Variants in SEMA6B observed in about 807,000 individuals in gnomAD.
SEMA6B encodes the protein semaphorin-6B.
Under a neutral mutation model 78.6 loss-of-function variants are expected in SEMA6B, and 47 were observed. That is an observed-to-expected ratio of 0.60 (90% CI 0.47 to 0.76). The LOEUF (loss-of-function observed/expected upper bound fraction) is 0.76. SEMA6B is among the 30% of genes least tolerant of loss of function. SEMA6B has a pLI of 0.00. For synonymous variants in SEMA6B, 632 were observed against 592.2 expected (o/e 1.07, Z -0.98); for missense variants, 1,213 against 1,269.9 (o/e 0.96, Z 0.68).
At chr19:4,554,609 G>C in intron 8 of SEMA6B, 133 bp from the exon 9 acceptor site, 2 of 699,780 alleles carry the variant, frequency 2.9e-6, no homozygotes, top group Non-Finnish European at 4.8e-6. Flanking sequence ...CAGACTCAAA[G>C]TTTGGTATTT....
intron 10 of SEMA6B, among the ~76,000 whole-genome samples, chr19:4,551,293 C>T (rs1977326042): frequency 6.7e-6 from 1 of 150,128 alleles, no homozygotes; most frequent in South Asian, 2.1e-4. Flanking sequence ...GATCTCAGGT[C>T]ACTGTAACCT....
Position 4,542,668 on chromosome 19 carries a change from A to T in SEMA6B, c.*933T>A. ...TCCAGAGAGGGCAGAGGACCCAGCC[A>T]GCCACGTGGCATGCATGGTCAGCTG... On this transcript the variant is annotated 3_prime_UTR_variant, in exon 17 of 17. Coordinates refer to ENST00000586582, the MANE Select transcript of SEMA6B (RefSeq NM_032108.4). 1 of 615,596 alleles carries T rather than the reference A, an allele frequency of 1.6e-6. No individual in the cohort carries two copies. The highest frequency in any genetic ancestry group is 1.7e-5 in the South Asian group (1 of 58,436). The allele number at this position is 615,596 out of a possible 1,614,324, so 38.1% of individuals were successfully genotyped here. A position where few individuals can be genotyped will look rare whatever the true frequency, so the allele number is the denominator to read the frequency against.
Position 4,552,990 on chromosome 19 carries a change from G to A in SEMA6B, c.772-351C>T, listed in dbSNP as rs181646546. Among the ~76,000 whole-genome samples, 1 of 152,214 alleles carries A rather than the reference G, an allele frequency of 6.6e-6. No homozygotes were observed. The highest frequency in any genetic ancestry group is 2.4e-5 in the African/African-American group (1 of 41,466). ...GAGGCACAGATAAAAGGAAGTGACT[G>A]GTCCAAGGTCACAATAGTAGTTAGT... On this transcript the variant is annotated intron_variant, in intron 9 of 16. Transcript: ENST00000586582. This position sits in a 1 kb window ranked among gnomAD's most constrained non-coding sequence, Gnocchi z 7.4.
In SEMA6B at chr19:4,557,023, G is replaced by T. The variant is rs554196449; in HGVS notation, c.307-10C>A. 3 of 1,611,812 alleles carry T rather than the reference G, an allele frequency of 1.9e-6. No individual in the cohort carries two copies. The Admixed American group carries it at 5.0e-5, about 27-fold the overall frequency. Reference sequence around the variant, plus strand: ...ATCTCCAGGTCAGCTTCTGCAGACAGAGAGAGCTGGTGAGGGGGTAACGGG... The same window carrying T: ...ATCTCCAGGTCAGCTTCTGCAGACATAGAGAGCTGGTGAGGGGGTAACGGG... On this transcript the variant is annotated splice_polypyrimidine_tract_variant and intron_variant, in intron 4 of 16. Transcript: ENST00000586582.
Position 4,550,172 on chromosome 19 carries a change from C to T in SEMA6B, c.1222G>A (p.Ala408Thr). The T allele has an allele frequency of 1.2e-6, 2 of 1,613,838 alleles. No individual in the cohort carries two copies. Among genetic ancestry groups the T allele is most frequent in the South Asian group, 2.2e-5 (2 of 91,090 alleles). The change falls in exon 12 of 17, where the codon GCG becomes ACG. Residue 408 changes from alanine to threonine, a missense_variant. Physicochemically the swap from Ala to Thr is moderately conservative, Grantham distance 58 (BLOSUM62 0). Coordinates refer to ENST00000586582, the MANE Select transcript of SEMA6B (RefSeq NM_032108.4). The surrounding 1 kb of genome is among the most constrained non-coding windows in gnomAD (Gnocchi z 6.6). ...GGCGCATGGCCCAGCGAGGGCACCG[C>T]CTCGTCCATCAGAGGGTGGGTCTTG... ...FVKTHPLMDE[A>T]VPSLGHAPWI...
intron 14 of SEMA6B, among the ~76,000 whole-genome samples, 185 bp downstream of exon 14, chr19:4,547,842 G>A (rs1020469140): frequency 1.0e-4 from 15 of 148,394 alleles, no homozygotes; most frequent in Middle Eastern, 3.2e-3. Flanking sequence ...CAGCCACACC[G>A]GCCACCTTGC....
chr19:4,556,093 A>T lies in SEMA6B; in HGVS notation c.370-4T>A. On this transcript the variant is annotated splice_polypyrimidine_tract_variant and splice_region_variant and intron_variant, in intron 5 of 16. Transcript: ENST00000586582. The stretch of plus-strand genomic sequence containing the variant: ...TTACGAAGTTTCGACACTCGCCCTG[A>T]GGTGGGGACAGGAGGAAGCGGGGAG... 6.2e-7 allele frequency: 1 copy of T among 1,607,972 alleles called. No homozygotes were observed. The highest frequency in any genetic ancestry group is 8.5e-7 in the Non-Finnish European group (1 of 1,174,682).
In SEMA6B at chr19:4,550,879, C is replaced by T; in HGVS notation, c.1041G>A (p.Val347=). The change falls in exon 11 of 17, where the codon GTG becomes GTA. Residue 347 remains valine (V), a synonymous_variant. Coordinates refer to ENST00000586582, the MANE Select transcript of SEMA6B (RefSeq NM_032108.4). The surrounding 1 kb of genome is among the most constrained non-coding windows in gnomAD (Gnocchi z 6.6). ...CAFDLTQVAA[V]FEGRFREQKS... Reference sequence around the variant, plus strand: ...TCTGCTCTCGGAAGCGGCCTTCAAACACAGCTGCCACCTGTGTCAGGTCAA... The same window carrying T: ...TCTGCTCTCGGAAGCGGCCTTCAAATACAGCTGCCACCTGTGTCAGGTCAA... 1 of 1,613,652 alleles carries T rather than the reference C, an allele frequency of 6.2e-7. No homozygotes were observed. Among genetic ancestry groups the T allele is most frequent in the Non-Finnish European group, 8.5e-7 (1 of 1,180,000 alleles).
At chr19:4,549,371 G>A (rs1196012464) in intron 12 of SEMA6B, among the ~76,000 whole-genome samples, 1 of 134,432 alleles carries the variant, frequency 7.4e-6, no homozygotes, top group Non-Finnish European at 1.5e-5. Flanking sequence ...GCGTGATCTC[G>A]GCTCACTGCA....
At chr19:4,557,283 C>T (rs1243294129) in intron 3 of SEMA6B, 60 bp from the exon 4 acceptor site, 1 of 1,274,988 alleles carries the variant, frequency 7.8e-7, no homozygotes, top group African/African-American at 1.5e-5. Context: ...CCGTTCCATC[C>T]TTCCCACTGC....
intron 9 of SEMA6B, among the ~76,000 whole-genome samples, chr19:4,553,448 G>GTGGATGGATGGA (rs763844125): frequency 0.013 from 1,557 of 116,124 alleles, 28 homozygotes; most frequent in African/African-American, 0.015. Flanking sequence ...GGATGGGTGA[G>GTGGATGGATGGA]TGGATGGATG....
Position 4,558,424 on chromosome 19 carries a change from C to T in SEMA6B, c.34G>A (p.Ala12Thr). Residue 12 changes from alanine to threonine, a missense_variant, in exon 2 of 17, where the codon GCC becomes ACC. Transcript: ENST00000586582. The surrounding 1 kb of genome is among the most constrained non-coding windows in gnomAD (Gnocchi z 5.1). ...AGTAGCAGCAGCAGAAGCAGCAGGG[C>T]CGGGCGGGGAGGGGACGCTCGCGGG... ...QTPRASPPRP[A>T]LLLLLLLLGG... The T allele has an allele frequency of 2.4e-6, 3 of 1,257,830 alleles. No individual in the cohort carries two copies. Among genetic ancestry groups the T allele is most frequent in the South Asian group, 3.5e-5 (1 of 28,594 alleles). The allele number at this position is 1,257,830 out of a possible 1,614,324, so 77.9% of individuals were successfully genotyped here.
In SEMA6B at chr19:4,552,779, C is replaced by T. The variant is rs1416971524; in HGVS notation, c.772-140G>A. The stretch of plus-strand genomic sequence containing the variant: ...GTGGGACCCCGGCCAGTCACCGTTC[C>T]TCTCTGGGCACCGGCTTCCCTGGCA... On this transcript the variant is annotated intron_variant, in intron 9 of 16. Transcript: ENST00000586582. This position sits in a 1 kb window ranked among gnomAD's most constrained non-coding sequence, Gnocchi z 7.4. 5 of 728,486 alleles carry T rather than the reference C, an allele frequency of 6.9e-6. No individual in the cohort carries two copies. The highest frequency in any genetic ancestry group is 1.1e-5 in the Non-Finnish European group (5 of 458,410). The allele number at this position is 728,486 out of a possible 1,614,324, so 45.1% of individuals were successfully genotyped here.
chr19:4,554,952 G>T, intron 8 of SEMA6B, 24 bp downstream of exon 8: 1 of 1,610,844 alleles, frequency 6.2e-7, no homozygotes, highest in Non-Finnish European at 8.5e-7. Flanking sequence ...CCAGGTCTGG[G>T]CCCACTGCCC....
At position 4,550,025 on chromosome 19, in the gene SEMA6B, A is replaced by G. The variant is rs1287778013; in HGVS notation, c.1271+98T>C. On this transcript the variant is annotated intron_variant, in intron 12 of 16. Coordinates refer to ENST00000586582, the MANE Select transcript of SEMA6B (RefSeq NM_032108.4). This position sits in a 1 kb window ranked among gnomAD's most constrained non-coding sequence, Gnocchi z 6.6. Reference sequence around the variant, plus strand: ...TCTCCAGCTCTCTGGGCAGCGCCGGAAGCCATGGGCTCATCTGTGTTGAGC... The same window carrying G: ...TCTCCAGCTCTCTGGGCAGCGCCGGGAGCCATGGGCTCATCTGTGTTGAGC... The G allele has an allele frequency of 8.2e-7, 1 of 1,218,782 alleles. No homozygotes were observed. The highest frequency in any genetic ancestry group is 2.4e-5 in the East Asian group (1 of 41,382). The allele number at this position is 1,218,782 out of a possible 1,614,324, so 75.5% of individuals were successfully genotyped here.
In SEMA6B at chr19:4,543,686, C is replaced by T. The variant is rs1176609033; in HGVS notation, c.2582G>A (p.Arg861His). The T allele has an allele frequency of 1.5e-5, 18 of 1,230,226 alleles. No individual in the cohort carries two copies. Among genetic ancestry groups the T allele is most frequent in the Middle Eastern group, 3.1e-4 (1 of 3,252 alleles). The allele number at this position is 1,230,226 out of a possible 1,614,324, so 76.2% of individuals were successfully genotyped here. A position where few individuals can be genotyped will look rare whatever the true frequency, so the allele number is the denominator to read the frequency against. The change falls in exon 17 of 17, where the codon CGC (arginine) becomes CAC (histidine). Residue 861 changes from arginine to histidine, a missense_variant. Coordinates refer to ENST00000586582, the MANE Select transcript of SEMA6B (RefSeq NM_032108.4). ...TGTGCCCGGCCGGGCGTGGCAGCCG[C>T]GGTGGCGGTCCCCAGGCCGGGCCTC... ...SGEARPGDRH[R>H]GCHARPGTDL...
chr19:4,548,385 A>T lies in SEMA6B; in HGVS notation c.1332T>A (p.Val444=). 1 of 1,613,790 alleles carries T rather than the reference A, an allele frequency of 6.2e-7. No homozygotes were observed. Among genetic ancestry groups the T allele is most frequent in the Non-Finnish European group, 8.5e-7 (1 of 1,180,002 alleles). ...VGAGPWGNQT[V]VFLGSEAGTV... is the part of the protein sequence containing the mutation. ...TCCCCGCCTCAGAACCCAGGAAGACAACGGTCTGGTTGCCCCAGGGGCCGG... is the reference window on the plus strand; with the variant it reads ...TCCCCGCCTCAGAACCCAGGAAGACTACGGTCTGGTTGCCCCAGGGGCCGG... The change falls in exon 13 of 17, where the codon GTT becomes GTA. Residue 444 remains valine (V), a synonymous_variant. Coordinates refer to ENST00000586582, the MANE Select transcript of SEMA6B (RefSeq NM_032108.4).
rs370416369 is a variant in SEMA6B at position 4,557,118 on chromosome 19, C to G, written c.306+45G>C. The G allele has an allele frequency of 2.6e-5, 42 of 1,590,158 alleles. No homozygotes were observed. The African/African-American group carries it at 5.2e-4, about 20-fold the overall frequency. ...CCAGCTCCCCGGCGCAGTGCCGCGT[C>G]CCCCTGGCCCTACCCCTCCACTCCC... is the stretch of plus-strand genomic sequence containing the variant. On this transcript the variant is annotated intron_variant, in intron 4 of 16. Transcript: ENST00000586582.
rs1599807 is a variant in SEMA6B, at chr19:4,555,967, G to T, written c.471+21C>A. Reference sequence around the variant, plus strand: ...GAGGCCTGGAGGTTGGACCTGGGGCGCAGGGAGTCTGAAGACTCACGCTGT... The same window carrying T: ...GAGGCCTGGAGGTTGGACCTGGGGCTCAGGGAGTCTGAAGACTCACGCTGT... On this transcript the variant is annotated intron_variant, in intron 6 of 16. Transcript: ENST00000586582. This position sits in a 1 kb window ranked among gnomAD's most constrained non-coding sequence, Gnocchi z 6.1. 8.8e-6 allele frequency: 14 copies of T among 1,592,396 alleles called. No individual in the cohort carries two copies. The highest frequency in any genetic ancestry group is 1.1e-5 in the Non-Finnish European group (13 of 1,160,534).
Sources: allele counts gnomAD v4.1 joint callset (sites outside exome capture counted in the v4.1 genomes callset), GRCh38; gene constraint gnomAD v4.1.1; non-coding constraint Gnocchi (gnomAD v3.1); transcripts MANE v1.5; gene names NCBI Gene and HGNC (gene_info 2026-07-23, HGNC 2026-07-21).